ZNG1F: variants seen among roughly 807,000 people sequenced by gnomAD.
The protein encoded by ZNG1F is Zn regulated GTPase metalloprotein activator 1F, also known as zinc-regulated GTPase metalloprotein activator 1F.
chr9:41,152,339 C>A, the ZNG1F span, among the ~76,000 whole-genome samples: 25,176 of 148,926 alleles, frequency 0.17, 3,322 homozygotes, highest in South Asian at 0.28. Flanking sequence ...CAGGAGCACC[C>A]AGATTCATAA....
the ZNG1F span, chr9:41,165,229 T>C: frequency 2.6e-4 from 175 of 675,258 alleles, 2 homozygotes; most frequent in Middle Eastern, 8.7e-4. Context: ...TTAAGGATTA[T>C]ATAGTGCTCT....
At chr9:41,144,365 A>G in the ZNG1F span, among the ~76,000 whole-genome samples, 1 of 77,206 alleles carries the variant, frequency 1.3e-5, no homozygotes, top group African/African-American at 4.1e-5. Context: ...TATGACAGAT[A>G]CCGACTATCA....
chr9:41,183,914 C>T, the ZNG1F span, among the ~76,000 whole-genome samples: 17 of 146,376 alleles, frequency 1.2e-4, no homozygotes, highest in African/African-American at 2.1e-4. Context: ...TACCTACTTC[C>T]TCCTTAGGCC....
chr9:41,174,268 A>AAAAAAAAAT, the ZNG1F span: 1 of 1,535,374 alleles, frequency 6.5e-7, no homozygotes. Flanking sequence ...CAAGAAAGAT[A>AAAAAAAAAT]AAAGAAAACT....
At chr9:41,205,038 G>C in the ZNG1F span, among the ~76,000 whole-genome samples, 1 of 141,690 alleles carries the variant, frequency 7.1e-6, no homozygotes, top group Non-Finnish European at 1.5e-5. Flanking sequence ...TTTTCTTCAA[G>C]AAATCTATCC....
At chr9:41,173,004 TTAAA>T in the ZNG1F span, among the ~76,000 whole-genome samples, 2 of 91,106 alleles carry the variant, frequency 2.2e-5, no homozygotes, top group African/African-American at 8.6e-5. Flanking sequence ...AAATTTTAAA[TTAAA>T]TAAATAAGAA....
At chr9:41,145,459 A>C in the ZNG1F span, 1 of 464,942 alleles carries the variant, frequency 2.2e-6, no homozygotes, top group Non-Finnish European at 3.8e-6. Flanking sequence ...TGTAATTCCA[A>C]TTTTACAAGT....
the ZNG1F span, among the ~76,000 whole-genome samples, chr9:41,195,648 G>A: frequency 1.6e-5 from 2 of 123,524 alleles, no homozygotes; most frequent in African/African-American, 5.6e-5. Context: ...CTGACAAGTT[G>A]AGTGGTGCAC....
chr9:41,201,266 T>A, the ZNG1F span, among the ~76,000 whole-genome samples: 4 of 135,464 alleles, frequency 3.0e-5, no homozygotes, highest in African/African-American at 1.1e-4. Flanking sequence ...ATGCTATACA[T>A]ATATATATAT....
At chr9:41,155,994 A>ATT in the ZNG1F span, among the ~76,000 whole-genome samples, 2 of 120,002 alleles carry the variant, frequency 1.7e-5, no homozygotes, top group African/African-American at 3.1e-5. Context: ...AAATAAATAA[A>ATT]TTTAAAAAAA....
the ZNG1F span, among the ~76,000 whole-genome samples, chr9:41,204,128 TA>T: frequency 1.4e-5 from 1 of 71,174 alleles, no homozygotes; most frequent in Admixed American, 2.1e-4. Context: ...AAAATCAGGA[TA>T]ATTTTATTTT....
chr9:41,139,598 C>T, the ZNG1F span, among the ~76,000 whole-genome samples: 1 of 151,082 alleles, frequency 6.6e-6, no homozygotes, highest in African/African-American at 2.4e-5. Flanking sequence ...CGGAAAAGTG[C>T]TTTCTTGCTT....
chr9:41,187,667 T>C, the ZNG1F span, among the ~76,000 whole-genome samples: 3 of 145,168 alleles, frequency 2.1e-5, 1 homozygote, highest in Admixed American at 1.4e-4. Flanking sequence ...TTTAGAGTAT[T>C]CCAAATGGTT....
chr9:41,162,595 A>G, the ZNG1F span, among the ~76,000 whole-genome samples: 1 of 23,748 alleles, frequency 4.2e-5, no homozygotes, highest in African/African-American at 6.9e-5. Context: ...TCATACATCA[A>G]TAAAACATAT....
At chr9:41,142,675 AT>A in the ZNG1F span, among the ~76,000 whole-genome samples, 29 of 48,492 alleles carry the variant, frequency 6.0e-4, no homozygotes, top group Middle Eastern at 0.011. Flanking sequence ...AAAAAAAAAA[AT>A]ACAAAAATTA....
the ZNG1F span, among the ~76,000 whole-genome samples, chr9:41,173,918 G>C: frequency 6.7e-6 from 1 of 148,290 alleles, no homozygotes; most frequent in African/African-American, 2.5e-5. Flanking sequence ...CAACCATAAA[G>C]ATTTTACTAA....
the ZNG1F span, among the ~76,000 whole-genome samples, chr9:41,159,101 A>T: frequency 6.7e-6 from 1 of 150,334 alleles, no homozygotes; most frequent in Admixed American, 6.7e-5. Flanking sequence ...AGGAAAGTGA[A>T]AACGAAGAGG....
At chr9:41,144,407 A>T in the ZNG1F span, among the ~76,000 whole-genome samples, 1 of 119,940 alleles carries the variant, frequency 8.3e-6, no homozygotes, top group South Asian at 3.2e-4. Flanking sequence ...TTTTACCATA[A>T]ATTCTATCTC....
chr9:41,185,653 CAGAG>C, the ZNG1F span, among the ~76,000 whole-genome samples: 1 of 151,942 alleles, frequency 6.6e-6, no homozygotes, highest in Admixed American at 6.6e-5. Context: ...AGCCTGGCAA[CAGAG>C]AGAGACTCCA....
Sources: gnomAD v4.1 joint callset for allele counts (sites outside exome capture counted in the v4.1 genomes callset) on GRCh38, gnomAD v4.1.1 for gene constraint, MANE v1.5 for transcripts, NCBI Gene and HGNC (gene_info 2026-07-23, HGNC 2026-07-21) for gene names.